Variants in KCNMA1 observed in about 807,000 individuals in gnomAD.
The protein encoded by KCNMA1 is Calcium-activated potassium channel subunit alpha-1.
In KCNMA1, 29 loss-of-function variants were observed where a neutral mutation model predicts 140.0. That is an observed-to-expected ratio of 0.21 (90% CI 0.15 to 0.28). KCNMA1 has a LOEUF of 0.28. Among genes scored for constraint, KCNMA1 ranks in the 10% least tolerant of loss-of-function variants. The pLI, the probability that KCNMA1 is intolerant of heterozygous loss-of-function variation, is 1.00. For missense variants in KCNMA1, 880 were observed against 1,602.2 expected (o/e 0.55, Z 7.70); for synonymous variants, 612 against 611.9 (o/e 1.00, Z 0.00).
intron 25 of KCNMA1, chr10:76,903,936 C>G (rs1204942805): frequency 6.6e-6 from 1 of 152,144 alleles, no homozygotes; most frequent in Admixed American, 6.5e-5. Flanking sequence ...CATCTACCCA[C>G]TAAGCTCCCA....
At chr10:77,269,128 C>T (rs139142333) in intron 2 of KCNMA1, among the ~76,000 whole-genome samples, 1 of 152,162 alleles carries the variant, frequency 6.6e-6, no homozygotes, top group Non-Finnish European at 1.5e-5. Flanking sequence ...TTCTAGAAGA[C>T]CCCCTTTCCC....
intron 17 of KCNMA1, chr10:77,012,496 C>A (rs1265018676): frequency 6.5e-7 from 1 of 1,550,120 alleles, no homozygotes; most frequent in African/African-American, 1.4e-5. Context: ...ATAAAAATAT[C>A]AAGCTTGTCA....
intron 2 of KCNMA1, among the ~76,000 whole-genome samples, chr10:77,285,392 T>G (rs1402167147): frequency 6.6e-6 from 1 of 152,090 alleles, no homozygotes; most frequent in African/African-American, 2.4e-5. Context: ...ATCCAAACTT[T>G]GAGAGAAAGA....
intron 1 of KCNMA1, among the ~76,000 whole-genome samples, chr10:77,510,572 C>T (rs1370847885): frequency 6.6e-6 from 1 of 151,498 alleles, no homozygotes; most frequent in Non-Finnish European, 1.5e-5. Flanking sequence ...TAATAATTAA[C>T]ATATGAAAGG....
In KCNMA1 at chr10:76,917,664, C is replaced by G. The variant is rs1308949103; in HGVS notation, c.2903-2615G>C. Among the ~76,000 whole-genome samples the G allele has an allele frequency of 2.0e-5, 3 of 152,228 alleles. No homozygotes were observed. In the East Asian group the frequency reaches 5.8e-4, roughly 29 times the overall value. On this transcript the variant is annotated intron_variant, in intron 23 of 27. Coordinates refer to ENST00000286628, the MANE Select transcript of KCNMA1 (RefSeq NM_001161352.2). ...AGGCCCAACTCTCCCCTATGCATGA[C>G]TCCCCAAAAAAGTGTGCTTTTATTG...
intron 1 of KCNMA1, among the ~76,000 whole-genome samples, chr10:77,509,203 C>A (rs2047446328): frequency 6.6e-6 from 1 of 152,134 alleles, no homozygotes; most frequent in Non-Finnish European, 1.5e-5. Context: ...TCACTGCAAC[C>A]TCCGCCTCCC....
chr10:77,232,541 G>T (rs1236223987), intron 3 of KCNMA1, among the ~76,000 whole-genome samples: 1 of 152,146 alleles, frequency 6.6e-6, no homozygotes, highest in Non-Finnish European at 1.5e-5. Context: ...TGTGCTTCTT[G>T]ACTATTTGTA....
chr10:77,193,227 C>T (rs1236077366), intron 3 of KCNMA1, among the ~76,000 whole-genome samples: 2 of 152,166 alleles, frequency 1.3e-5, no homozygotes, highest in Non-Finnish European at 2.9e-5. Flanking sequence ...ACAACCTACC[C>T]ACTAATGCTT....
At chr10:77,513,265 A>C (rs1167793530) in intron 1 of KCNMA1, among the ~76,000 whole-genome samples, 1 of 152,006 alleles carries the variant, frequency 6.6e-6, no homozygotes, top group Admixed American at 6.6e-5. Context: ...CTCTTCCCCC[A>C]AATTTCCTCC....
At chr10:77,402,356 G>A (rs999170213) in intron 2 of KCNMA1, among the ~76,000 whole-genome samples, 2 of 152,168 alleles carry the variant, frequency 1.3e-5, no homozygotes, top group Admixed American at 1.3e-4. Context: ...AGACTGAATT[G>A]TCTCCCTCTC....
At chr10:77,609,266 A>T (rs1029075796) in intron 1 of KCNMA1, among the ~76,000 whole-genome samples, 18 of 152,358 alleles carry the variant, frequency 1.2e-4, no homozygotes, top group Non-Finnish European at 1.5e-5. Context: ...TTCAGCCTTT[A>T]AAAAAGAAGG....
intron 19 of KCNMA1, among the ~76,000 whole-genome samples, chr10:76,974,918 G>GAAGT (rs2077043051): frequency 6.6e-6 from 1 of 152,158 alleles, no homozygotes; most frequent in South Asian, 2.1e-4. Context: ...ATTCTTTCCT[G>GAAGT]AAGTCTGCTA....
In KCNMA1 at chr10:76,884,944, AC is replaced by A. The variant is rs1396728066; in HGVS notation, c.*2321del. ...CACAAGGACAACGTTATAGAAGAAA[AC>A]CCCCAGCAGTGGCTAGGTCATGCAG... On this transcript the variant is annotated 3_prime_UTR_variant, in exon 28 of 28. Coordinates refer to ENST00000286628, the MANE Select transcript of KCNMA1 (RefSeq NM_001161352.2). 1 of 1,518,482 alleles carries A rather than the reference AC, an allele frequency of 6.6e-7. No homozygotes were observed. The highest frequency in any genetic ancestry group is 1.3e-5 in the South Asian group (1 of 76,416). The allele number at this position is 1,518,482 out of a possible 1,614,324, so 94.1% of individuals were successfully genotyped here.
rs1368678310 is a variant in KCNMA1 at position 77,094,240 on chromosome 10, C to T, written c.1224-3730G>A. 3.3e-5 allele frequency among the ~76,000 whole-genome samples: 5 copies of T among 152,214 alleles called. No homozygotes were observed. The East Asian group carries it at 7.7e-4, about 23-fold the overall frequency. On this transcript the variant is annotated intron_variant, in intron 9 of 27. Coordinates refer to ENST00000286628, the MANE Select transcript of KCNMA1 (RefSeq NM_001161352.2). ...GTCTTTTCAGGTAACCTCTCTGAAA[C>T]TCTTTCCTTAAGTCATATATGCCTG...
intron 10 of KCNMA1, 49 bp downstream of exon 10, chr10:77,090,351 C>A: frequency 8.2e-7 from 1 of 1,213,804 alleles, no homozygotes; most frequent in Middle Eastern, 1.9e-4. Context: ...GAGTCCCTCG[C>A]AGGGTGTGTG....
At chr10:77,154,219 G>A (rs2098457480) in intron 5 of KCNMA1, among the ~76,000 whole-genome samples, 1 of 152,126 alleles carries the variant, frequency 6.6e-6, no homozygotes, top group Admixed American at 6.5e-5. Flanking sequence ...CACCGTGATT[G>A]TAAGTTTCCT....
At chr10:77,579,921 C>T (rs1252383407) in intron 1 of KCNMA1, among the ~76,000 whole-genome samples, 1 of 152,106 alleles carries the variant, frequency 6.6e-6, no homozygotes, top group African/African-American at 2.4e-5. Context: ...AATTGAATGC[C>T]AAATTTGAAT....
Position 76,885,033 on chromosome 10 carries a change from T to A in KCNMA1, c.*2233A>T. 6.5e-7 allele frequency: 1 copy of A among 1,548,156 alleles called. No individual in the cohort carries two copies. The highest frequency in any genetic ancestry group is 8.7e-7 in the Non-Finnish European group (1 of 1,145,862). On this transcript the variant is annotated 3_prime_UTR_variant, in exon 28 of 28. Transcript: ENST00000286628. Reference sequence around the variant, plus strand: ...CCTTGTTGCACTTTAGAGAGAGAAGTAAGCTATGTGAGTTTTACAATGCTT... The same window carrying A: ...CCTTGTTGCACTTTAGAGAGAGAAGAAAGCTATGTGAGTTTTACAATGCTT...
chr10:77,092,352 T>C (rs184170734), intron 9 of KCNMA1, among the ~76,000 whole-genome samples: 1 of 152,348 alleles, frequency 6.6e-6, no homozygotes, highest in African/African-American at 2.4e-5. Flanking sequence ...GAATAAGATT[T>C]CAGACTTTGA....
Sources: gnomAD v4.1 joint callset for allele counts (sites outside exome capture counted in the v4.1 genomes callset) on GRCh38, gnomAD v4.1.1 for gene constraint, MANE v1.5 for transcripts, NCBI Gene and HGNC (gene_info 2026-07-23, HGNC 2026-07-21) for gene names.